DEFB113: variants seen among roughly 807,000 people sequenced by gnomAD.
The protein encoded by DEFB113 is beta-defensin 113.
In DEFB113, 5 loss-of-function variants were observed where a neutral mutation model predicts 2.5. The ratio of observed to expected loss-of-function variants is 1.99; its 90% CI spans 1.04 to 4.18. DEFB113 has a LOEUF of 4.18. DEFB113 is among the 30% of genes most tolerant of loss of function. The pLI, the probability that DEFB113 is intolerant of heterozygous loss-of-function variation, is 0.00. For synonymous variants in DEFB113, 42 were observed against 31.6 expected (o/e 1.33, Z -1.11); for missense variants, 123 against 96.6 (o/e 1.27, Z -1.14).
Position 49,968,790 on chromosome 6 carries a change from A to T in DEFB113, c.136T>A (p.Cys46Ser). ...QLVRGACKPE[C>S]NSWEYVYYYC... ...TAATATACATATTCCCAGCTGTTGCATTCCGGCTTGCAAGCACCACGAACA... is the reference window on the plus strand; with the variant it reads ...TAATATACATATTCCCAGCTGTTGCTTTCCGGCTTGCAAGCACCACGAACA... The change falls in exon 2 of 2, where the codon TGC becomes AGC. Residue 46 changes from cysteine (C) to serine (S), a missense_variant. Transcript: ENST00000398718. 6.2e-7 allele frequency: 1 copy of T among 1,605,624 alleles called. No individual in the cohort carries two copies. The highest frequency in any genetic ancestry group is 1.1e-5 in the South Asian group (1 of 89,868).
chr6:49,968,745 A>G lies in DEFB113; in HGVS notation c.181T>C (p.Cys61Arg). Reference sequence around the variant, plus strand: ...TTTTGGTATTCCCATACCGCACAGCAGGGGTTAACATTGCAGTAATAATAT... The same window carrying G: ...TTTTGGTATTCCCATACCGCACAGCGGGGGTTAACATTGCAGTAATAATAT... Reference protein sequence around the residue: ...YVYYYCNVNPCCAVWEYQKPI... With the variant: ...YVYYYCNVNPRCAVWEYQKPI... Residue 61 changes from cysteine to arginine, a missense_variant, in exon 2 of 2, where the codon TGC (cysteine) becomes CGC (arginine). Transcript: ENST00000398718. 1 of 1,585,490 alleles carries G rather than the reference A, an allele frequency of 6.3e-7. No individual in the cohort carries two copies. Among genetic ancestry groups the G allele is most frequent in the Non-Finnish European group, 8.6e-7 (1 of 1,165,024 alleles).
rs1179511633 is a variant in DEFB113 at position 49,969,599 on chromosome 6, G to T, written c.27C>A (p.Thr9=). The part of the protein sequence containing the change: MKILCIFL[T]FVFTVSCGPS... ...GACCACAAGACACAGTGAAGACAAA[G>T]GTCAGAAAAATACAAAGTATCTTCA... Residue 9 remains threonine (T), a synonymous_variant, in exon 1 of 2, where the codon ACC becomes ACA. Transcript: ENST00000398718. 5 of 1,606,494 alleles carry T rather than the reference G, an allele frequency of 3.1e-6. No individual in the cohort carries two copies. Among genetic ancestry groups the T allele is most frequent in the Admixed American group, 3.4e-5 (2 of 59,426 alleles).
At chr6:49,968,919 A>T in intron 1 of DEFB113, 52 bp from the exon 2 acceptor site, 1 of 1,488,310 alleles carries the variant, frequency 6.7e-7, no homozygotes, top group Non-Finnish European at 9.0e-7. Context: ...CCTTAGATAC[A>T]GAGATGAATA....
rs201896487 is a variant in DEFB113 at position 49,968,800 on chromosome 6, G to T, written c.126C>A (p.Cys42Ter). 3.7e-6 allele frequency: 6 copies of T among 1,604,688 alleles called. 1 individual carries two copies. The South Asian group carries it at 6.7e-5, about 18-fold the overall frequency. ...KRECQLVRGACKPECNSWEYV... is the reference protein window; with the variant it reads ...KRECQLVRGA ...ATTCCCAGCTGTTGCATTCCGGCTT[G>T]CAAGCACCACGAACAAGCTGACATT... The change falls in exon 2 of 2, where the codon TGC (cysteine) becomes TGA (stop). Residue 42 changes from cysteine to a stop codon, truncating the protein, a stop_gained. Transcript: ENST00000398718. LOFTEE classifies it low-confidence loss of function (END_TRUNC).
Position 49,969,016 on chromosome 6 carries a change from T to C in DEFB113, c.59-149A>G, listed in dbSNP as rs1171782232. Reference sequence around the variant, plus strand: ...TGAAATTTTTCCCTCTCTCAGCTGGTATAATATACTTATTTATCTAACAAT... The same window carrying C: ...TGAAATTTTTCCCTCTCTCAGCTGGCATAATATACTTATTTATCTAACAAT... On this transcript the variant is annotated intron_variant, in intron 1 of 1. Coordinates refer to ENST00000398718, the MANE Select transcript of DEFB113 (RefSeq NM_001037729.1). 4 of 595,406 alleles carry C rather than the reference T, an allele frequency of 6.7e-6. No individual in the cohort carries two copies. The South Asian group carries it at 9.7e-5, about 14-fold the overall frequency. The allele number at this position is 595,406 out of a possible 1,614,324, so 36.9% of individuals were successfully genotyped here.
Position 49,968,841 on chromosome 6 carries a change from C to A in DEFB113, c.85G>T (p.Ala29Ser), listed in dbSNP as rs1773588315. The A allele has an allele frequency of 6.3e-7, 1 of 1,599,462 alleles. No individual in the cohort carries two copies. Among genetic ancestry groups the A allele is most frequent in the South Asian group, 1.1e-5 (1 of 88,382 alleles). ...AGCTGACATTCTCTTTTTCTCTCTG[C>A]AACTTCTCTTGTTTTTTTCTGTGGA... ...SVPQKKTREV[A>S]ERKRECQLVR... The change falls in exon 2 of 2, where the codon GCA becomes TCA. Residue 29 changes from alanine to serine, a missense_variant. By Grantham distance (99) the Ala-to-Ser change is moderately conservative (BLOSUM62 1). Coordinates refer to ENST00000398718, the MANE Select transcript of DEFB113 (RefSeq NM_001037729.1).
Position 49,968,836 on chromosome 6 carries a change from C to T in DEFB113, c.90G>A (p.Glu30=). ...VPQKKTREVA[E]RKRECQLVRG... is the part of the protein sequence containing the mutation. ...GAACAAGCTGACATTCTCTTTTTCT[C>T]TCTGCAACTTCTCTTGTTTTTTTCT... Residue 30 remains glutamate (E), a synonymous_variant, in exon 2 of 2, where the codon GAG becomes GAA. Coordinates refer to ENST00000398718, the MANE Select transcript of DEFB113 (RefSeq NM_001037729.1). 6.2e-7 allele frequency: 1 copy of T among 1,600,588 alleles called. No homozygotes were observed. The highest frequency in any genetic ancestry group is 8.5e-7 in the Non-Finnish European group (1 of 1,173,874).
intron 1 of DEFB113, 145 bp downstream of exon 1, chr6:49,969,420 TCCC>T (rs1488550461): frequency 2.3e-5 from 12 of 526,088 alleles, no homozygotes; most frequent in Non-Finnish European, 4.0e-5. Flanking sequence ...ACTCATTTCT[TCCC>T]CCATGAAAAA....
At chr6:49,969,007 C>A in intron 1 of DEFB113, 140 bp from the exon 2 acceptor site, 1 of 690,932 alleles carries the variant, frequency 1.4e-6, no homozygotes. Context: ...TTTTCCCTCT[C>A]TCAGCTGGTA....
rs1372550187 is a variant in DEFB113, at chr6:49,968,785, G to C, written c.141C>G (p.Asn47Lys). The change falls in exon 2 of 2, where the codon AAC becomes AAG. Residue 47 changes from asparagine to lysine, a missense_variant. Coordinates refer to ENST00000398718, the MANE Select transcript of DEFB113 (RefSeq NM_001037729.1). Reference sequence around the variant, plus strand: ...AGTAATAATATACATATTCCCAGCTGTTGCATTCCGGCTTGCAAGCACCAC... The same window carrying C: ...AGTAATAATATACATATTCCCAGCTCTTGCATTCCGGCTTGCAAGCACCAC... ...LVRGACKPEC[N>K]SWEYVYYYCN... is the part of the protein sequence containing the mutation. 1 of 1,605,074 alleles carries C rather than the reference G, an allele frequency of 6.2e-7. No individual in the cohort carries two copies. The highest frequency in any genetic ancestry group is 1.3e-5 in the African/African-American group (1 of 74,240).
Position 49,968,861 on chromosome 6 carries a change from T to C in DEFB113, c.65A>G (p.Gln22Arg), listed in dbSNP as rs1415904309. The C allele has an allele frequency of 6.3e-7, 1 of 1,598,078 alleles. No individual in the cohort carries two copies. Among genetic ancestry groups the C allele is most frequent in the Non-Finnish European group, 8.5e-7 (1 of 1,172,722 alleles). ...CTCTGCAACTTCTCTTGTTTTTTTCTGTGGAACTAGGAAAAAGTAGCTATG... is the reference window on the plus strand; with the variant it reads ...CTCTGCAACTTCTCTTGTTTTTTTCCGTGGAACTAGGAAAAAGTAGCTATG... ...FTVSCGPSVP[Q>R]KKTREVAERK... Residue 22 changes from glutamine to arginine, a missense_variant, in exon 2 of 2, where the codon CAG becomes CGG. Gln to Arg is a conservative substitution (Grantham distance 43). Transcript: ENST00000398718.
intron 1 of DEFB113, 61 bp downstream of exon 1, chr6:49,969,504 TCAG>T (rs1773598219): frequency 2.6e-6 from 3 of 1,175,096 alleles, no homozygotes; most frequent in Non-Finnish European, 3.7e-6. Context: ...TTTATTATTT[TCAG>T]AGTAAAGCAT....
chr6:49,968,715 T>C lies in DEFB113; in HGVS notation c.211A>G (p.Ile71Val), dbSNP rs1163243356. Residue 71 changes from isoleucine (I) to valine (V), a missense_variant, in exon 2 of 2, where the codon ATC (isoleucine) becomes GTC (valine). Transcript: ENST00000398718. ...CCAVWEYQKP[I>V]INKITSKLHQ... ...AGTTTACTAGTGATTTTGTTAATGA[T>C]TGGCTTTTGGTATTCCCATACCGCA... 5.3e-6 allele frequency: 8 copies of C among 1,519,658 alleles called. No individual in the cohort carries two copies. Among genetic ancestry groups the C allele is most frequent in the African/African-American group, 1.4e-5 (1 of 71,436 alleles). 94.1% of individuals were successfully genotyped at this position (1,519,658 alleles called of 1,614,324 possible).
chr6:49,968,996 T>A, intron 1 of DEFB113, 129 bp from the exon 2 acceptor site: 1 of 822,310 alleles, frequency 1.2e-6, no homozygotes. Flanking sequence ...TCTATTGAAA[T>A]TTTTCCCTCT....
chr6:49,968,997 T>G (rs1773591005), intron 1 of DEFB113, 130 bp from the exon 2 acceptor site: 8 of 825,668 alleles, frequency 9.7e-6, no homozygotes, highest in South Asian at 5.1e-5. Context: ...CTATTGAAAT[T>G]TTTCCCTCTC....
Position 49,968,727 on chromosome 6 carries a change from ATT to A in DEFB113, c.197_198del (p.Glu66ValfsTer7). The A allele has an allele frequency of 6.5e-7, 1 of 1,541,312 alleles. No individual in the cohort carries two copies. Among genetic ancestry groups the A allele is most frequent in the Non-Finnish European group, 8.8e-7 (1 of 1,140,896 alleles). ...ATTTTGTTAATGATTGGCTTTTGGT[ATT>A]CCCATACCGCACAGCAGGGGTTAAC... is the stretch of plus-strand genomic sequence containing the variant. ...CNVNPCCAVW[E>X]YQKPIINKIT... On this transcript the variant is annotated frameshift_variant, in exon 2 of 2. Transcript: ENST00000398718. LOFTEE classifies it low-confidence loss of function (END_TRUNC).
intron 1 of DEFB113, 110 bp from the exon 2 acceptor site, chr6:49,968,977 C>T (rs1199396423): frequency 9.8e-7 from 1 of 1,018,626 alleles, no homozygotes; most frequent in South Asian, 2.2e-5. Flanking sequence ...GAAATCATGC[C>T]CAAGCAACTC....
chr6:49,968,977 C>A, intron 1 of DEFB113, 110 bp from the exon 2 acceptor site: 1 of 1,018,626 alleles, frequency 9.8e-7, no homozygotes, highest in Non-Finnish European at 1.3e-6. Context: ...GAAATCATGC[C>A]CAAGCAACTC....
Position 49,968,741 on chromosome 6 carries a change from C to A in DEFB113, c.185G>T (p.Cys62Phe). The A allele has an allele frequency of 6.3e-7, 1 of 1,580,562 alleles. No homozygotes were observed. The highest frequency in any genetic ancestry group is 1.2e-5 in the South Asian group (1 of 85,956). ...TGGCTTTTGGTATTCCCATACCGCACAGCAGGGGTTAACATTGCAGTAATA... is the reference window on the plus strand; with the variant it reads ...TGGCTTTTGGTATTCCCATACCGCAAAGCAGGGGTTAACATTGCAGTAATA... ...VYYYCNVNPC[C>F]AVWEYQKPII... Residue 62 changes from cysteine (C) to phenylalanine (F), a missense_variant, in exon 2 of 2, where the codon TGT becomes TTT. Physicochemically the swap from Cys to Phe is radical, Grantham distance 205 (BLOSUM62 -2). Coordinates refer to ENST00000398718, the MANE Select transcript of DEFB113 (RefSeq NM_001037729.1).
Sources: allele counts gnomAD v4.1 joint callset, GRCh38; gene constraint gnomAD v4.1.1; transcripts MANE v1.5; gene names NCBI Gene and HGNC (gene_info 2026-07-23, HGNC 2026-07-21).